Variants in CADM2 observed in about 807,000 individuals in gnomAD.
The protein encoded by CADM2 is cell adhesion molecule 2, also known as immunoglobulin superfamily member 4D.
CADM2 carries 12 observed loss-of-function variants against 49.8 expected under a neutral mutation model. The observed-to-expected ratio is 0.24, with a 90% CI of 0.15 to 0.39. The LOEUF (loss-of-function observed/expected upper bound fraction) is 0.39. Ranked by LOEUF, CADM2 falls within the 10% of genes least tolerant of loss-of-function variation. The probability of loss-of-function intolerance (pLI) is 1.00; values close to 1 mark genes in which losing one functional copy is unlikely to be tolerated. For missense variants in CADM2, 378 were observed against 492.3 expected (o/e 0.77, Z 2.20); for synonymous variants, 214 against 175.4 (o/e 1.22, Z -1.74).
rs541612415 is a variant in CADM2 at position 85,054,957 on chromosome 3, A to G, written c.61+95289A>G. 2.6e-5 allele frequency among the ~76,000 whole-genome samples: 4 copies of G among 151,950 alleles called. No individual in the cohort carries two copies. In the East Asian group the frequency reaches 7.7e-4, roughly 29 times the overall value. Reference sequence around the variant, plus strand: ...GAAAAATGATTATGACTACCACAGCATGCAGTAGTTGTGGCCTTATAAATA... The same window carrying G: ...GAAAAATGATTATGACTACCACAGCGTGCAGTAGTTGTGGCCTTATAAATA... On this transcript the variant is annotated intron_variant, in intron 1 of 9. Transcript: ENST00000383699.
At chr3:85,631,638 G>T (rs2064310032) in intron 1 of CADM2, among the ~76,000 whole-genome samples, 1 of 152,126 alleles carries the variant, frequency 6.6e-6, no homozygotes, top group African/African-American at 2.4e-5. Flanking sequence ...CATTGAAACA[G>T]CTACTTACTT....
intron 3 of CADM2, among the ~76,000 whole-genome samples, chr3:85,855,885 G>T (rs150132929): frequency 5.3e-5 from 8 of 151,654 alleles, no homozygotes; most frequent in African/African-American, 1.7e-4. Flanking sequence ...CTCGGCCTCC[G>T]AAAGTGCTGG....
intron 1 of CADM2, among the ~76,000 whole-genome samples, chr3:85,125,565 G>A (rs919402388): frequency 6.6e-6 from 1 of 152,064 alleles, no homozygotes; most frequent in Admixed American, 6.6e-5. Context: ...TTGCCATGTG[G>A]CCCACGCTGG....
At chr3:85,844,726 T>C (rs1490467774) in intron 3 of CADM2, among the ~76,000 whole-genome samples, 1 of 152,176 alleles carries the variant, frequency 6.6e-6, no homozygotes, top group Non-Finnish European at 1.5e-5. Context: ...AGTATATTAA[T>C]AATACACACA....
At chr3:85,458,785 A>C (rs2107584408) in intron 1 of CADM2, among the ~76,000 whole-genome samples, 1 of 146,672 alleles carries the variant, frequency 6.8e-6, no homozygotes, top group African/African-American at 2.4e-5. Flanking sequence ...ACAAAAAGAC[A>C]AAAAAAATCA....
chr3:85,923,546 A>AAAC (rs1340191056), intron 6 of CADM2, among the ~76,000 whole-genome samples: 3 of 151,550 alleles, frequency 2.0e-5, no homozygotes, highest in Non-Finnish European at 4.4e-5. Context: ...GCAAAAAAAA[A>AAAC]AAACAACAAA....
chr3:85,225,865 G>T (rs1294427631), intron 1 of CADM2, among the ~76,000 whole-genome samples: 1 of 152,098 alleles, frequency 6.6e-6, no homozygotes, highest in East Asian at 1.9e-4. Context: ...TAATCATGTG[G>T]TTTTTGTCAT....
At chr3:85,673,174 G>A (rs2065793609) in intron 1 of CADM2, among the ~76,000 whole-genome samples, 1 of 152,116 alleles carries the variant, frequency 6.6e-6, no homozygotes, top group Non-Finnish European at 1.5e-5. Context: ...AACCAAAAAA[G>A]CCCTCTGCCT....
chr3:85,471,907 T>C (rs12638154), intron 1 of CADM2, among the ~76,000 whole-genome samples: 12,190 of 151,710 alleles, frequency 0.08, 944 homozygotes, highest in African/African-American at 0.18. Flanking sequence ...ACCAGGCCAT[T>C]CTATTCTTTA....
At chr3:85,852,195 G>A (rs2108294804) in intron 3 of CADM2, among the ~76,000 whole-genome samples, 1 of 152,050 alleles carries the variant, frequency 6.6e-6, no homozygotes, top group East Asian at 1.9e-4. Flanking sequence ...CCATCTATAT[G>A]CTACTTGGCC....
At chr3:85,016,195 A>T (rs2034240993) in intron 1 of CADM2, among the ~76,000 whole-genome samples, 1 of 152,206 alleles carries the variant, frequency 6.6e-6, no homozygotes, top group South Asian at 2.1e-4. Context: ...CTTCAAGTGT[A>T]GTATAATGAT....
At chr3:85,319,494 G>A (rs1388355422) in intron 1 of CADM2, among the ~76,000 whole-genome samples, 1 of 152,114 alleles carries the variant, frequency 6.6e-6, no homozygotes, top group African/African-American at 2.4e-5. Flanking sequence ...ACATGCACGT[G>A]TATATTCATT....
At chr3:85,970,362 T>A (rs1160371231) in intron 8 of CADM2, among the ~76,000 whole-genome samples, 1 of 151,420 alleles carries the variant, frequency 6.6e-6, no homozygotes, top group Non-Finnish European at 1.5e-5. Context: ...ATACAGGTGA[T>A]AGGAGTGGAT....
rs1259382193 is a variant in CADM2 at position 85,769,515 on chromosome 3, G to GTA, written c.89-32527_89-32526dup. On this transcript the variant is annotated intron_variant, in intron 2 of 9. Transcript: ENST00000383699. ...TATATACATATATGTATATATACAC[G>GTA]TATATACATATATGTATATATACAC... is the stretch of plus-strand genomic sequence containing the variant. Among the ~76,000 whole-genome samples, 3 of 30,212 alleles carry GTA rather than the reference G, an allele frequency of 9.9e-5. 1 individual carries two copies. The highest frequency in any genetic ancestry group is 1.1e-3 in the South Asian group (1 of 912). The allele number at this position is 30,212 out of a possible 152,430, so 19.8% of individuals were successfully genotyped here.
At chr3:85,303,400 G>A (rs561108406) in intron 1 of CADM2, among the ~76,000 whole-genome samples, 5 of 151,958 alleles carry the variant, frequency 3.3e-5, no homozygotes, top group African/African-American at 1.2e-4. Flanking sequence ...CCCACACTGC[G>A]CAAAGTACAG....
rs1006669121 is a variant in CADM2, at chr3:85,201,881, G to T, written c.61+242213G>T. On this transcript the variant is annotated intron_variant, in intron 1 of 9. Transcript: ENST00000383699. ...GCGGATCACAAGGTCAAGAGATCAA[G>T]ACCATCCTGGCCAACATGGTGAAAC... 3.9e-5 allele frequency among the ~76,000 whole-genome samples: 6 copies of T among 151,916 alleles called. No individual in the cohort carries two copies. The East Asian group carries it at 1.2e-3, about 30-fold the overall frequency.
chr3:85,584,407 T>A (rs2062880006), intron 1 of CADM2, among the ~76,000 whole-genome samples: 1 of 152,030 alleles, frequency 6.6e-6, no homozygotes, highest in African/African-American at 2.4e-5. Flanking sequence ...AATATGCAAA[T>A]AATATTATGC....
At chr3:85,246,272 A>G (rs759243986) in intron 1 of CADM2, among the ~76,000 whole-genome samples, 4 of 151,974 alleles carry the variant, frequency 2.6e-5, no homozygotes, top group East Asian at 1.9e-4. Flanking sequence ...CAGGAAGGGG[A>G]ACATCACACA....
At chr3:85,809,553 C>T (rs916606033) in intron 3 of CADM2, among the ~76,000 whole-genome samples, 8 of 151,950 alleles carry the variant, frequency 5.3e-5, no homozygotes, top group African/African-American at 1.7e-4. Context: ...ATAGCCTGGG[C>T]AACACAGAAA....
Sources: allele counts gnomAD v4.1 joint callset (sites outside exome capture counted in the v4.1 genomes callset), GRCh38; gene constraint gnomAD v4.1.1; transcripts MANE v1.5; gene names NCBI Gene and HGNC (gene_info 2026-07-23, HGNC 2026-07-21).